Variants in ATXN7 observed in about 807,000 individuals in gnomAD.
ATXN7 encodes ataxin 7.
In ATXN7, 12 loss-of-function variants were observed where a neutral mutation model predicts 70.5. The ratio of observed to expected loss-of-function variants is 0.17; its 90% CI spans 0.11 to 0.28. The LOEUF is 0.28. ATXN7 is among the 10% of genes least tolerant of loss of function. The pLI is 1.00. For missense variants in ATXN7, 1,256 were observed against 1,131.7 expected (o/e 1.11, Z -1.58); for synonymous variants, 498 against 448.7 (o/e 1.11, Z -1.39).
intron 11 of ATXN7, among the ~76,000 whole-genome samples, chr3:63,991,563 G>A (rs891532650): frequency 2.0e-5 from 3 of 152,052 alleles, no homozygotes; most frequent in Non-Finnish European, 4.4e-5. Context: ...CTGTGTCAAG[G>A]TCTTGAGTCA....
chr3:63,990,549 T>C, intron 10 of ATXN7, 175 bp downstream of exon 10: 2 of 1,165,024 alleles, frequency 1.7e-6, no homozygotes. Flanking sequence ...GGGGGACATC[T>C]CGTGCTTTTT....
intron 1 of ATXN7, among the ~76,000 whole-genome samples, chr3:63,889,989 A>T (rs927990337): frequency 6.6e-6 from 1 of 152,198 alleles, no homozygotes; most frequent in Non-Finnish European, 1.5e-5. Flanking sequence ...GATTGTACTT[A>T]AAGTAGCTAT....
At position 64,001,225 on chromosome 3, in the gene ATXN7, T is replaced by A. The variant is rs910143001; in HGVS notation, c.*1758T>A. ...TTAGCTATAAATTGATGTAAAATAC[T>A]GATTTTTTTAAAGGAAGGAGAGAAC... On this transcript the variant is annotated 3_prime_UTR_variant, in exon 13 of 13. Transcript: ENST00000674280. 6.6e-6 allele frequency: 1 copy of A among 152,230 alleles called. No individual in the cohort carries two copies. The highest frequency in any genetic ancestry group is 6.5e-5 in the Admixed American group (1 of 15,288). 9.4% of individuals were successfully genotyped at this position (152,230 alleles called of 1,614,324 possible).
chr3:63,903,153 G>A (rs1703708819), intron 2 of ATXN7, among the ~76,000 whole-genome samples: 1 of 152,028 alleles, frequency 6.6e-6, no homozygotes, highest in Admixed American at 6.5e-5. Flanking sequence ...CCGGCACTTT[G>A]GGAGGCCGAG....
At chr3:63,960,897 G>C (rs2075117895) in intron 5 of ATXN7, among the ~76,000 whole-genome samples, 1 of 152,078 alleles carries the variant, frequency 6.6e-6, no homozygotes, top group Non-Finnish European at 1.5e-5. Flanking sequence ...CTGTAATCTA[G>C]TCATACAAGC....
intron 2 of ATXN7, among the ~76,000 whole-genome samples, 169 bp from the exon 3 acceptor site, chr3:63,912,419 G>A (rs1704061930): frequency 1.3e-5 from 2 of 151,530 alleles, no homozygotes; most frequent in South Asian, 4.1e-4. Context: ...TGAGCCCGGG[G>A]CGGGGGGTGG....
chr3:63,891,321 A>C lies in ATXN7; in HGVS notation c.-110-7078A>C, dbSNP rs180981584. On this transcript the variant is annotated intron_variant, in intron 1 of 12. Transcript: ENST00000674280. ...ACGAGCGACTGCACCTGGCCCCAGCACTTTTTTTTTTTTAAGAGATGGGGT... is the reference window on the plus strand; with the variant it reads ...ACGAGCGACTGCACCTGGCCCCAGCCCTTTTTTTTTTTTAAGAGATGGGGT... 3.0e-3 allele frequency among the ~76,000 whole-genome samples: 430 copies of C among 144,452 alleles called. 1 individual carries two copies. Among genetic ancestry groups the C allele is most frequent in the African/African-American group, 0.011 (411 of 39,034 alleles). The allele number at this position is 144,452 out of a possible 152,430, so 94.8% of individuals were successfully genotyped here.
intron 1 of ATXN7, among the ~76,000 whole-genome samples, chr3:63,880,889 G>T (rs756264981): frequency 6.6e-6 from 1 of 152,178 alleles, no homozygotes; most frequent in Non-Finnish European, 1.5e-5. Flanking sequence ...ATTGCTGTCT[G>T]TTTCACAGCT....
At chr3:63,985,026 C>T (rs1349848336) in intron 8 of ATXN7, among the ~76,000 whole-genome samples, 1 of 152,158 alleles carries the variant, frequency 6.6e-6, no homozygotes, top group Non-Finnish European at 1.5e-5. Context: ...TTCATCCAGT[C>T]ACCTGTTGAC....
intron 10 of ATXN7, 98 bp downstream of exon 10, chr3:63,990,472 T>C: frequency 7.0e-7 from 1 of 1,434,118 alleles, no homozygotes; most frequent in Non-Finnish European, 9.6e-7. Context: ...CCCGTATGTG[T>C]GGGACGCGGT....
chr3:63,926,295 T>C (rs1166685994), intron 4 of ATXN7, among the ~76,000 whole-genome samples: 1 of 152,128 alleles, frequency 6.6e-6, no homozygotes, highest in Non-Finnish European at 1.5e-5. Flanking sequence ...GAAAAGTATA[T>C]GGCAGGTGGT....
At chr3:63,985,210 C>A (rs2075555483) in intron 8 of ATXN7, among the ~76,000 whole-genome samples, 1 of 152,132 alleles carries the variant, frequency 6.6e-6, no homozygotes, top group Non-Finnish European at 1.5e-5. Flanking sequence ...GACTGGCATT[C>A]TTCCTGTGCC....
intron 4 of ATXN7, among the ~76,000 whole-genome samples, chr3:63,924,925 C>A (rs1704657832): frequency 6.6e-6 from 1 of 152,146 alleles, no homozygotes; most frequent in Non-Finnish European, 1.5e-5. Flanking sequence ...GAATGTTTGT[C>A]TGCCACTGGG....
intron 1 of ATXN7, among the ~76,000 whole-genome samples, chr3:63,892,038 G>T (rs1370278012): frequency 6.6e-6 from 1 of 152,160 alleles, no homozygotes; most frequent in Non-Finnish European, 1.5e-5. Flanking sequence ...TTGTAGGGCT[G>T]TGGTGAAGAT....
At chr3:63,920,657 G>A (rs539505681) in intron 4 of ATXN7, among the ~76,000 whole-genome samples, 2 of 151,550 alleles carry the variant, frequency 1.3e-5, no homozygotes, top group African/African-American at 4.9e-5. Context: ...GTTGTATTTA[G>A]TTGTTCTTTT....
chr3:63,933,002 A>G (rs970024260), intron 4 of ATXN7, among the ~76,000 whole-genome samples: 2 of 152,220 alleles, frequency 1.3e-5, no homozygotes, highest in African/African-American at 4.8e-5. Context: ...TGCTGCTTTT[A>G]CCGACAGTCC....
chr3:63,959,379 C>T (rs916273968), intron 5 of ATXN7, among the ~76,000 whole-genome samples: 32 of 152,290 alleles, frequency 2.1e-4, no homozygotes, highest in Admixed American at 2.0e-3. Flanking sequence ...CTAACCAAAA[C>T]AGGCACATGA....
intron 4 of ATXN7, among the ~76,000 whole-genome samples, chr3:63,919,299 C>T (rs1311858673): frequency 6.6e-6 from 1 of 152,130 alleles, no homozygotes; most frequent in Non-Finnish European, 1.5e-5. Context: ...CCATATGACC[C>T]ACCAATCCCA....
intron 6 of ATXN7, 130 bp downstream of exon 6, chr3:63,980,297 G>A (rs2075464178): frequency 7.8e-7 from 1 of 1,283,068 alleles, no homozygotes; most frequent in Non-Finnish European, 1.1e-6. Flanking sequence ...AATGTATGTT[G>A]TATTGTTTCT....
Sources: gnomAD v4.1 joint callset for allele counts (sites outside exome capture counted in the v4.1 genomes callset) on GRCh38, gnomAD v4.1.1 for gene constraint, MANE v1.5 for transcripts, NCBI Gene and HGNC (gene_info 2026-07-23, HGNC 2026-07-21) for gene names.